RHAG: variants seen among roughly 807,000 people sequenced by gnomAD.
RHAG encodes ammonium transporter Rh type A.
RHAG carries 25 observed loss-of-function variants against 42.4 expected under a neutral mutation model. The observed-to-expected ratio is 0.59, with a 90% CI of 0.43 to 0.82. RHAG has a LOEUF of 0.82. Ranked by LOEUF, RHAG falls within the 40% of genes least tolerant of loss-of-function variation. The pLI is 0.00. For synonymous variants in RHAG, 182 were observed against 177.7 expected (o/e 1.02, Z -0.19); for missense variants, 483 against 504.6 (o/e 0.96, Z 0.41).
At chr6:49,610,028 A>C (rs1581936951) in intron 7 of RHAG, among the ~76,000 whole-genome samples, 1 of 151,584 alleles carries the variant, frequency 6.6e-6, no homozygotes, top group Admixed American at 6.6e-5. Context: ...GTGAGAACAC[A>C]TGGACACAGG....
chr6:49,633,230 A>G (rs959808647), intron 1 of RHAG, among the ~76,000 whole-genome samples: 2 of 152,204 alleles, frequency 1.3e-5, no homozygotes, highest in East Asian at 1.9e-4. Context: ...GAGAACTATC[A>G]TAATGTACTG....
chr6:49,611,224 G>T, intron 6 of RHAG, 79 bp from the exon 7 acceptor site: 2 of 1,169,944 alleles, frequency 1.7e-6, no homozygotes, highest in Non-Finnish European at 2.5e-6. Context: ...CTATAGCTGG[G>T]CTCTATTCTT....
chr6:49,607,883 A>G (rs945574356), intron 7 of RHAG, among the ~76,000 whole-genome samples: 12 of 152,336 alleles, frequency 7.9e-5, no homozygotes, highest in Admixed American at 5.2e-4. Flanking sequence ...AGTGACTCCA[A>G]TGAATAAAAC....
chr6:49,618,765 G>T (rs879186312), intron 2 of RHAG, among the ~76,000 whole-genome samples: 1 of 152,172 alleles, frequency 6.6e-6, no homozygotes, highest in African/African-American at 2.4e-5. Context: ...CCAGAGAAAC[G>T]ATTGATTTGA....
chr6:49,636,569 T>A, intron 1 of RHAG, 87 bp downstream of exon 1: 1 of 1,330,596 alleles, frequency 7.5e-7, no homozygotes, highest in Non-Finnish European at 1.1e-6. Context: ...TACAAAGAGC[T>A]CAAGGGTTTA....
rs545375163 is a variant in RHAG, at chr6:49,634,015, T to C, written c.157+2641A>G. Among the ~76,000 whole-genome samples the C allele has an allele frequency of 2.9e-3, 442 of 152,264 alleles. 1 individual carries two copies. Among genetic ancestry groups the C allele is most frequent in the Admixed American group, 5.1e-3 (78 of 15,286 alleles). On this transcript the variant is annotated intron_variant, in intron 1 of 9. Transcript: ENST00000371175. ...AATTGATACGTAATATGTATACACATTTATGGGATACATGTGGATGGTATT... is the reference window on the plus strand; with the variant it reads ...AATTGATACGTAATATGTATACACACTTATGGGATACATGTGGATGGTATT...
At chr6:49,629,261 AT>A (rs1173898052) in intron 1 of RHAG, among the ~76,000 whole-genome samples, 2 of 151,970 alleles carry the variant, frequency 1.3e-5, no homozygotes. Flanking sequence ...TGTATTTACA[AT>A]CCCTGAGCTA....
At chr6:49,621,754 G>C (rs1300027560) in intron 1 of RHAG, among the ~76,000 whole-genome samples, 1 of 152,022 alleles carries the variant, frequency 6.6e-6, no homozygotes, top group Non-Finnish European at 1.5e-5. Flanking sequence ...TTCTTAGTAT[G>C]GTTTTAGTAA....
At chr6:49,623,277 A>C (rs1199783986) in intron 1 of RHAG, among the ~76,000 whole-genome samples, 7 of 152,204 alleles carry the variant, frequency 4.6e-5, no homozygotes, top group Admixed American at 2.6e-4. Flanking sequence ...TAAATTAATG[A>C]GAGCTTAAAA....
chr6:49,610,905 T>C, intron 7 of RHAG, 119 bp downstream of exon 7: 1 of 1,230,686 alleles, frequency 8.1e-7, no homozygotes, highest in Non-Finnish European at 1.2e-6. Context: ...TCTCTTTGGC[T>C]CCAGTAAAGA....
chr6:49,617,965 A>G, intron 3 of RHAG, 103 bp downstream of exon 3: 1 of 979,476 alleles, frequency 1.0e-6, no homozygotes, highest in Non-Finnish European at 1.6e-6. Context: ...CTACGGTATC[A>G]CTCTCACCAA....
At position 49,605,893 on chromosome 6, in the gene RHAG, T is replaced by A. The variant is rs530683280; in HGVS notation, c.1213-63A>T. 43 of 1,306,086 alleles carry A rather than the reference T, an allele frequency of 3.3e-5. No homozygotes were observed. In the African/African-American group the frequency reaches 5.8e-4, roughly 18 times the overall value. The allele number at this position is 1,306,086 out of a possible 1,614,324, so 80.9% of individuals were successfully genotyped here. A position where few individuals can be genotyped will look rare whatever the true frequency, so the allele number is the denominator to read the frequency against. On this transcript the variant is annotated intron_variant, in intron 9 of 9. Transcript: ENST00000371175. ...TTTCACTGTTCTTGTCAGAAATTAG[T>A]ATTGAAACAAAAATATTTTTGGTAA...
intron 7 of RHAG, 99 bp downstream of exon 7, chr6:49,610,925 C>A: frequency 1.4e-6 from 2 of 1,470,416 alleles, no homozygotes; most frequent in South Asian, 1.1e-5. Flanking sequence ...ACAATACAAA[C>A]CATGGCCAGA....
In RHAG at chr6:49,618,226, G is replaced by A. The variant is rs987224209; in HGVS notation, c.342-8C>T. On this transcript the variant is annotated splice_region_variant and splice_polypyrimidine_tract_variant and intron_variant, in intron 2 of 9. Transcript: ENST00000371175. The stretch of plus-strand genomic sequence containing the variant: ...AAGTCTGCATTTATCATGCTGAAGG[G>A]AAACAAGAATAAATTGAAGAGTAAT... 6.2e-7 allele frequency: 1 copy of A among 1,614,028 alleles called. No homozygotes were observed.
intron 1 of RHAG, among the ~76,000 whole-genome samples, chr6:49,626,116 C>T (rs764616854): frequency 3.0e-4 from 45 of 152,174 alleles, no homozygotes; most frequent in Non-Finnish European, 5.0e-4. Flanking sequence ...GCTCCAGCCC[C>T]TCCAAAATCT....
chr6:49,627,862 A>G (rs576330830), intron 1 of RHAG, among the ~76,000 whole-genome samples: 85 of 152,192 alleles, frequency 5.6e-4, no homozygotes, highest in Non-Finnish European at 9.6e-4. Context: ...TCATGATTCA[A>G]TTACCTTCCA....
chr6:49,605,957 G>T (rs1774156160), intron 9 of RHAG, 127 bp from the exon 10 acceptor site: 4 of 817,286 alleles, frequency 4.9e-6, no homozygotes, highest in Non-Finnish European at 8.5e-6. Context: ...AATAAAAATT[G>T]TTTGAGTTGA....
Position 49,615,608 on chromosome 6 carries a change from G to A in RHAG, c.640+16C>T. 1 of 1,613,740 alleles carries A rather than the reference G, an allele frequency of 6.2e-7. No homozygotes were observed. Among genetic ancestry groups the A allele is most frequent in the Non-Finnish European group, 8.5e-7 (1 of 1,179,746 alleles). ...TTTCAAATAGATAAGATTCAAGCAA[G>A]TTTATCCACACTCACCAATCATTGC... On this transcript the variant is annotated intron_variant, in intron 4 of 9. Coordinates refer to ENST00000371175, the MANE Select transcript of RHAG (RefSeq NM_000324.3).
rs533850712 is a variant in RHAG at position 49,621,985 on chromosome 6, CT to C, written c.158-2624del. On this transcript the variant is annotated intron_variant, in intron 1 of 9. Coordinates refer to ENST00000371175, the MANE Select transcript of RHAG (RefSeq NM_000324.3). ...ATTACACAAAGTTTTTCCTAACATT[CT>C]TTTTTTTTTTTTCTTAGAGCACTCT... 2.2e-3 allele frequency among the ~76,000 whole-genome samples: 301 copies of C among 139,924 alleles called. 1 individual carries two copies. The highest frequency in any genetic ancestry group is 4.9e-3 in the African/African-American group (187 of 38,312). 91.8% of individuals were successfully genotyped at this position (139,924 alleles called of 152,430 possible).
Sources: gnomAD v4.1 joint callset for allele counts (sites outside exome capture counted in the v4.1 genomes callset) on GRCh38, gnomAD v4.1.1 for gene constraint, MANE v1.5 for transcripts, NCBI Gene and HGNC (gene_info 2026-07-23, HGNC 2026-07-21) for gene names.